Variants in DCUN1D4 observed in about 807,000 individuals in gnomAD.
DCUN1D4 encodes the protein DCN1-like protein 4.
A neutral mutation model predicts 47.9 loss-of-function variants in DCUN1D4; 22 were observed. That is an observed-to-expected ratio of 0.46 (90% confidence interval 0.33 to 0.66). The LOEUF is 0.66. DCUN1D4 is among the 30% of genes least tolerant of loss of function. DCUN1D4 has a pLI of 0.02. For synonymous variants in DCUN1D4, 121 were observed against 112.2 expected (o/e 1.08, Z -0.50); for missense variants, 301 against 340.8 (o/e 0.88, Z 0.92).
At chr4:51,878,279 T>G (rs145018686) in intron 5 of DCUN1D4, among the ~76,000 whole-genome samples, 2 of 152,356 alleles carry the variant, frequency 1.3e-5, no homozygotes, top group South Asian at 2.1e-4. Context: ...GTTTTGTCAC[T>G]TAAAATGTTT....
chr4:51,834,081 TC>T, the DCUN1D4 span, among the ~76,000 whole-genome samples: 3,234 of 117,978 alleles, frequency 0.027, 152 homozygotes, highest in African/African-American at 0.032. Flanking sequence ...TCTCTCTCTC[TC>T]TCTCTTTTCT....
At chr4:51,867,836 C>T (rs1276956080) in intron 3 of DCUN1D4, among the ~76,000 whole-genome samples, 3 of 152,222 alleles carry the variant, frequency 2.0e-5, no homozygotes. Context: ...GGACCCACCC[C>T]TTTCTGCGCA....
chr4:51,837,671 AAAAAAAAAAAAAAAG>A, the DCUN1D4 span, among the ~76,000 whole-genome samples: 1 of 150,194 alleles, frequency 6.7e-6, no homozygotes, highest in Non-Finnish European at 1.5e-5. Context: ...AAAAAAAAAA[AAAAAAAAAAAAAAAG>A]AAATCTTAGA....
chr4:51,862,692 T>C (rs540285593), intron 1 of DCUN1D4, among the ~76,000 whole-genome samples: 1 of 152,136 alleles, frequency 6.6e-6, no homozygotes, highest in South Asian at 2.1e-4. Context: ...TTTTATTGCC[T>C]AATATATATG....
At chr4:51,841,428 C>T (rs1396981669), upstream of DCUN1D4, among the ~76,000 whole-genome samples, 1 of 152,170 alleles carries the variant, frequency 6.6e-6, no homozygotes, top group African/African-American at 2.4e-5. Context: ...AAGCAATCCC[C>T]TATCTCAGAG....
At chr4:51,904,996 G>A (rs1239680781) in intron 8 of DCUN1D4, among the ~76,000 whole-genome samples, 3 of 152,052 alleles carry the variant, frequency 2.0e-5, no homozygotes, top group Non-Finnish European at 1.5e-5. Flanking sequence ...AATATGCTGG[G>A]AAAGAAACTA....
chr4:51,895,201 T>TAA (rs1179962118), intron 7 of DCUN1D4, among the ~76,000 whole-genome samples: 3 of 142,516 alleles, frequency 2.1e-5, no homozygotes, highest in South Asian at 2.3e-4. Flanking sequence ...AAAATGCTGT[T>TAA]AAAAAAAAAA....
intron 8 of DCUN1D4, among the ~76,000 whole-genome samples, chr4:51,899,672 G>A (rs888143190): frequency 3.3e-5 from 5 of 152,144 alleles, no homozygotes; most frequent in African/African-American, 4.8e-5. Flanking sequence ...CTTAGATAAG[G>A]TTGGAAAAGC....
chr4:51,886,619 T>C lies in DCUN1D4; in HGVS notation c.395T>C (p.Ile132Thr), dbSNP rs1313414158. ...PEGMEKFCED[I>T]GVEPENVVML... is the part of the protein sequence containing the mutation. ...GGCATGGAGAAATTTTGTGAAGACA[T>C]TGGTGTTGAACCAGAAAACGTGAGT... The change falls in exon 6 of 11, where the codon ATT (isoleucine) becomes ACT (threonine). Residue 132 changes from isoleucine (I) to threonine (T), a missense_variant. Physicochemically the swap from Ile to Thr is moderately conservative, Grantham distance 89. Around this residue, in one of 2 missense-constraint regions of DCUN1D4, gnomAD observed 170 missense variants for 234.5 expected, o/e 0.73. Coordinates refer to ENST00000334635, the MANE Select transcript of DCUN1D4 (RefSeq NM_001040402.3). 1.9e-6 allele frequency: 3 copies of C among 1,614,010 alleles called. No homozygotes were observed. In the Admixed American group the frequency reaches 5.0e-5, roughly 27 times the overall value.
intron 5 of DCUN1D4, among the ~76,000 whole-genome samples, chr4:51,886,096 G>A (rs1729441691): frequency 6.6e-6 from 1 of 152,188 alleles, no homozygotes; most frequent in South Asian, 2.1e-4. Flanking sequence ...ATGCTAGAAC[G>A]GAAAAGGGGG....
In DCUN1D4 at chr4:51,843,183, G is replaced by C. The variant is rs1294867794; in HGVS notation, c.-60G>C. Reference sequence around the variant, plus strand: ...CGAGCCGAGGTGCAGTGAGCTGGTGGGGGGACCGCGAGGCGAGCGCGGGAG... The same window carrying C: ...CGAGCCGAGGTGCAGTGAGCTGGTGCGGGGACCGCGAGGCGAGCGCGGGAG... On this transcript the variant is annotated 5_prime_UTR_variant, in exon 1 of 11. Transcript: ENST00000334635. The C allele has an allele frequency of 2.6e-6, 4 of 1,535,616 alleles. No individual in the cohort carries two copies. The highest frequency in any genetic ancestry group is 2.6e-6 in the Non-Finnish European group (3 of 1,141,884).
chr4:51,911,478 G>T (rs1396589386), intron 9 of DCUN1D4, among the ~76,000 whole-genome samples: 1 of 151,924 alleles, frequency 6.6e-6, no homozygotes, highest in African/African-American at 2.4e-5. Context: ...TCTGTTCTTT[G>T]TAACAATAGA....
chr4:51,850,688 G>A lies in DCUN1D4; in HGVS notation c.25+7421G>A, dbSNP rs116498283. On this transcript the variant is annotated intron_variant, in intron 1 of 10. Transcript: ENST00000334635. ...TAGTAACAAGTAAATTGTGTAATAC[G>A]TCAGATGGTGATAGGTTCTGTAGAG... Among the ~76,000 whole-genome samples, 894 of 152,194 alleles carry A rather than the reference G, an allele frequency of 5.9e-3. 5 individuals are homozygous for A. Among genetic ancestry groups the A allele is most frequent in the African/African-American group, 0.02 (846 of 41,508 alleles).
At chr4:51,873,559 A>T (rs1256231667) in intron 3 of DCUN1D4, among the ~76,000 whole-genome samples, 2 of 152,232 alleles carry the variant, frequency 1.3e-5, no homozygotes, top group Non-Finnish European at 2.9e-5. Flanking sequence ...CTGAACCTAA[A>T]TGAGTTAGTA....
upstream of DCUN1D4, among the ~76,000 whole-genome samples, chr4:51,840,366 G>T (rs1342473743): frequency 1.3e-5 from 2 of 152,278 alleles, no homozygotes; most frequent in Middle Eastern, 3.4e-3. Context: ...GTATTAGATT[G>T]GCATAGTAAC....
chr4:51,907,014 A>G (rs1732994760), intron 8 of DCUN1D4, among the ~76,000 whole-genome samples: 1 of 152,252 alleles, frequency 6.6e-6, no homozygotes, highest in South Asian at 2.1e-4. Flanking sequence ...TAAGGCACTT[A>G]GAACAGTTTC....
chr4:51,876,735 C>T (rs951924979), intron 4 of DCUN1D4, among the ~76,000 whole-genome samples: 2 of 151,976 alleles, frequency 1.3e-5, no homozygotes, highest in Non-Finnish European at 2.9e-5. Context: ...CATGGGTCTT[C>T]CAGGGCTGAC....
intron 5 of DCUN1D4, among the ~76,000 whole-genome samples, chr4:51,878,917 G>A (rs1480579675): frequency 2.0e-5 from 3 of 152,076 alleles, no homozygotes; most frequent in Admixed American, 1.3e-4. Context: ...AACCCTTTTT[G>A]TGATAAGAGC....
intron 1 of DCUN1D4, among the ~76,000 whole-genome samples, chr4:51,847,324 G>T (rs938692134): frequency 1.3e-5 from 2 of 152,288 alleles, no homozygotes; most frequent in Non-Finnish European, 2.9e-5. Flanking sequence ...GACTTGTAAG[G>T]TACACAGAAA....
Sources: allele counts gnomAD v4.1 joint callset (sites outside exome capture counted in the v4.1 genomes callset), GRCh38; gene constraint gnomAD v4.1.1; regional missense constraint gnomAD v4.1.1; transcripts MANE v1.5; gene names NCBI Gene and HGNC (gene_info 2026-07-23, HGNC 2026-07-21).